The following SLC44A5 variants were observed in gnomAD, a reference collection of about 807,000 sequenced individuals.
SLC44A5 encodes the protein solute carrier family 44 member 5.
In SLC44A5, 57 loss-of-function variants were observed where a neutral mutation model predicts 101.8. The observed-to-expected ratio is 0.56, with a 90% CI of 0.45 to 0.70. SLC44A5 has a LOEUF of 0.70. Ranked by LOEUF, SLC44A5 falls within the 30% of genes least tolerant of loss-of-function variation. The pLI, the probability that SLC44A5 is intolerant of heterozygous loss-of-function variation, is 0.00. For synonymous variants in SLC44A5, 281 were observed against 290.9 expected, an observed-to-expected ratio of 0.97 and a Z score of 0.35; for missense variants, 737 against 853.1, an observed-to-expected ratio of 0.86 and a Z score of 1.70.
At chr1:75,573,605 T>C (rs1673202294) in intron 1 of SLC44A5, among the ~76,000 whole-genome samples, 1 of 152,142 alleles carries the variant, frequency 6.6e-6, no homozygotes, top group Non-Finnish European at 1.5e-5. Context: ...TGTTTAACCG[T>C]TGCTGGGTAT....
At chr1:75,455,864 T>A (rs1161221744) in intron 2 of SLC44A5, among the ~76,000 whole-genome samples, 1 of 152,002 alleles carries the variant, frequency 6.6e-6, no homozygotes, top group Non-Finnish European at 1.5e-5. Context: ...AAACAGTGGA[T>A]GTTGGTGAGA....
At chr1:75,359,230 CT>C (rs58243679) in intron 3 of SLC44A5, among the ~76,000 whole-genome samples, 2,156 of 108,702 alleles carry the variant, frequency 0.02, 21 homozygotes, top group African/African-American at 0.049. Flanking sequence ...ATTTTCTTTT[CT>C]TTTTTTTTTT....
At chr1:75,447,645 A>G (rs1392088257) in intron 2 of SLC44A5, among the ~76,000 whole-genome samples, 1 of 152,138 alleles carries the variant, frequency 6.6e-6, no homozygotes, top group Non-Finnish European at 1.5e-5. Context: ...TAAAATTGAA[A>G]GTGATGATTT....
At chr1:75,224,217 C>G (rs1333471334) in intron 13 of SLC44A5, among the ~76,000 whole-genome samples, 1 of 152,156 alleles carries the variant, frequency 6.6e-6, no homozygotes, top group Non-Finnish European at 1.5e-5. Context: ...TTGGTGTAAA[C>G]AAACCAATTG....
intron 2 of SLC44A5, among the ~76,000 whole-genome samples, chr1:75,536,616 A>AG (rs1671025283): frequency 2.8e-5 from 1 of 35,462 alleles, no homozygotes; most frequent in Non-Finnish European, 1.3e-4. Context: ...AAAAAAAAAA[A>AG]GAAAAGAAAA....
intron 2 of SLC44A5, among the ~76,000 whole-genome samples, chr1:75,472,794 A>C (rs1417674470): frequency 6.6e-6 from 1 of 152,172 alleles, no homozygotes; most frequent in East Asian, 1.9e-4. Flanking sequence ...AGTGTCCTCA[A>C]AAGCATTGCA....
chr1:75,553,883 C>CAGGAGG (rs57453178), intron 1 of SLC44A5, among the ~76,000 whole-genome samples: 60 of 149,776 alleles, frequency 4.0e-4, no homozygotes, highest in African/African-American at 7.8e-4. Flanking sequence ...CCTTGTGGAG[C>CAGGAGG]AGGAGGAGGA....
chr1:75,720,607 A>G, the SLC44A5 span, among the ~76,000 whole-genome samples: 1 of 152,246 alleles, frequency 6.6e-6, no homozygotes, highest in South Asian at 2.1e-4. Flanking sequence ...GTCAATAATC[A>G]AATGATCAAA....
At chr1:75,636,823 T>C in the SLC44A5 span, among the ~76,000 whole-genome samples, 1 of 152,146 alleles carries the variant, frequency 6.6e-6, no homozygotes, top group Middle Eastern at 3.4e-3. Context: ...ACAGATAACA[T>C]TTCTATAAAA....
intron 3 of SLC44A5, among the ~76,000 whole-genome samples, chr1:75,341,488 A>C (rs1657874194): frequency 6.6e-6 from 1 of 152,142 alleles, no homozygotes; most frequent in Non-Finnish European, 1.5e-5. Flanking sequence ...GAGAGAAAGA[A>C]AAGAAAGAGA....
intron 3 of SLC44A5, among the ~76,000 whole-genome samples, chr1:75,383,925 G>T (rs7522357): frequency 0.2 from 30,248 of 151,002 alleles, 4,206 homozygotes; most frequent in East Asian, 0.81. Flanking sequence ...GAAAAGAATT[G>T]TCAACCCAGA....
At chr1:75,541,013 A>C (rs1671325914) in intron 2 of SLC44A5, among the ~76,000 whole-genome samples, 1 of 152,234 alleles carries the variant, frequency 6.6e-6, no homozygotes, top group Admixed American at 6.5e-5. Context: ...TCTCAATACG[A>C]GAAAGGGGGC....
chr1:75,439,815 A>G (rs1281707038), intron 2 of SLC44A5, among the ~76,000 whole-genome samples: 3 of 152,126 alleles, frequency 2.0e-5, no homozygotes, highest in African/African-American at 7.2e-5. Context: ...GATAAAAGAC[A>G]TGAATCCAAA....
the SLC44A5 span, among the ~76,000 whole-genome samples, chr1:75,628,393 T>C: frequency 2.0e-5 from 3 of 152,140 alleles, no homozygotes; most frequent in African/African-American, 7.2e-5. Flanking sequence ...GATTACAGAA[T>C]AGAATATTGA....
chr1:75,675,004 T>C, the SLC44A5 span, among the ~76,000 whole-genome samples: 2 of 152,216 alleles, frequency 1.3e-5, no homozygotes, highest in Non-Finnish European at 2.9e-5. Flanking sequence ...TGCTCTTTGG[T>C]TACTGTAGAG....
the SLC44A5 span, among the ~76,000 whole-genome samples, chr1:75,642,928 C>G: frequency 6.6e-6 from 1 of 152,132 alleles, no homozygotes; most frequent in African/African-American, 2.4e-5. Context: ...AGGCGAATCA[C>G]TGGACAAATT....
intron 3 of SLC44A5, chr1:75,357,140 A>G (rs1466696681): frequency 2.2e-6 from 1 of 453,760 alleles, no homozygotes; most frequent in Admixed American, 2.4e-5. Context: ...ATCCATCTTC[A>G]GTTATCTTAC....
intron 1 of SLC44A5, among the ~76,000 whole-genome samples, chr1:75,548,351 C>T (rs957796508): frequency 1.3e-5 from 2 of 152,092 alleles, no homozygotes; most frequent in African/African-American, 2.4e-5. Flanking sequence ...TAGATGCTAA[C>T]TTTATGAAAT....
At chr1:75,522,861 C>T (rs376689824) in intron 2 of SLC44A5, among the ~76,000 whole-genome samples, 5 of 152,204 alleles carry the variant, frequency 3.3e-5, no homozygotes, top group African/African-American at 9.6e-5. Context: ...AGTGTGAGTT[C>T]TCAACATAAG....
Sources: gnomAD v4.1 joint callset for allele counts (sites outside exome capture counted in the v4.1 genomes callset) on GRCh38, gnomAD v4.1.1 for gene constraint, MANE v1.5 for transcripts, NCBI Gene and HGNC (gene_info 2026-07-23, HGNC 2026-07-21) for gene names.